The following CLIC5 variants were observed in gnomAD, a reference collection of about 807,000 sequenced individuals.
CLIC5 encodes the protein CLIC family member 5.
A neutral mutation model predicts 24.7 loss-of-function variants in CLIC5; 20 were observed. The observed-to-expected ratio is 0.81, with a 90% CI of 0.57 to 1.18. CLIC5 has a LOEUF of 1.18. Among genes scored for constraint, CLIC5 ranks in the 50% most tolerant of loss-of-function variants. The pLI, the probability that CLIC5 is intolerant of heterozygous loss-of-function variation, is 0.00. For missense variants in CLIC5, 341 were observed against 326.1 expected (o/e 1.05, Z -0.35); for synonymous variants, 159 against 135.6 (o/e 1.17, Z -1.20).
At chr6:45,918,944 A>G (rs536811672) in intron 4 of CLIC5, 4 of 985,416 alleles carry the variant, frequency 4.1e-6, no homozygotes, top group African/African-American at 1.7e-5. Context: ...CCCAGGGCAC[A>G]TACGCTTATG....
chr6:46,110,798 G>A, the CLIC5 span, among the ~76,000 whole-genome samples: 1 of 152,174 alleles, frequency 6.6e-6, no homozygotes, highest in Non-Finnish European at 1.5e-5. Context: ...CCTTTTAAAA[G>A]TCTAGTCTTA....
chr6:45,910,002 A>C (rs1026002538), intron 5 of CLIC5, among the ~76,000 whole-genome samples: 1 of 151,442 alleles, frequency 6.6e-6, no homozygotes, highest in African/African-American at 2.4e-5. Context: ...TGGATGAAAA[A>C]CTCACTGTTG....
At chr6:46,066,337 C>T (rs1302714958) in intron 1 of CLIC5, among the ~76,000 whole-genome samples, 1 of 152,120 alleles carries the variant, frequency 6.6e-6, no homozygotes, top group African/African-American at 2.4e-5. Context: ...TACAAAATCA[C>T]AGGATGCCTG....
At chr6:46,098,668 T>G in the CLIC5 span, among the ~76,000 whole-genome samples, 12 of 152,182 alleles carry the variant, frequency 7.9e-5, no homozygotes, top group African/African-American at 2.9e-4. Flanking sequence ...TCATGGAAGA[T>G]CTTCACCAGC....
At chr6:46,119,106 G>A in the CLIC5 span, among the ~76,000 whole-genome samples, 1 of 152,186 alleles carries the variant, frequency 6.6e-6, no homozygotes, top group African/African-American at 2.4e-5. Flanking sequence ...AATCCAGAAG[G>A]AATGTAGCCC....
chr6:46,048,797 G>T (rs919158942), intron 1 of CLIC5, among the ~76,000 whole-genome samples: 4 of 152,126 alleles, frequency 2.6e-5, no homozygotes, highest in African/African-American at 9.7e-5. Context: ...GGGAAGAATG[G>T]GGGCCAAGAG....
chr6:46,046,432 GACTA>G, intron 1 of CLIC5, among the ~76,000 whole-genome samples: 1 of 152,258 alleles, frequency 6.6e-6, no homozygotes, highest in East Asian at 1.9e-4. Flanking sequence ...AGTGACTGTT[GACTA>G]ACAGTGCAAA....
In CLIC5 at chr6:46,059,369, C is replaced by T. The variant is rs567989027; in HGVS notation, c.540+20334G>A. On this transcript the variant is annotated intron_variant, in intron 1 of 5. Transcript: ENST00000185206. ...CAACAGATATGTATTCATGCTATTC[C>T]TATTATTTGCTTTAATTTTGTATTT... 9.3e-4 allele frequency among the ~76,000 whole-genome samples: 141 copies of T among 152,310 alleles called. 3 individuals carry two copies. The South Asian group carries it at 0.026, about 28-fold the overall frequency.
intron 1 of CLIC5, among the ~76,000 whole-genome samples, chr6:46,067,117 C>T (rs773561189): frequency 6.6e-6 from 1 of 151,994 alleles, no homozygotes; most frequent in Non-Finnish European, 1.5e-5. Flanking sequence ...AATTTCGTTC[C>T]AAGGGATGGT....
chr6:45,966,609 C>A (rs956709790), intron 1 of CLIC5, among the ~76,000 whole-genome samples: 2 of 152,186 alleles, frequency 1.3e-5, no homozygotes, highest in Non-Finnish European at 2.9e-5. Flanking sequence ...CGGGCTGGAC[C>A]AACCACCGAC....
intron 1 of CLIC5, among the ~76,000 whole-genome samples, chr6:46,067,058 G>A (rs1720232870): frequency 6.6e-6 from 1 of 152,148 alleles, no homozygotes; most frequent in Admixed American, 6.5e-5. Context: ...ACTTGATCAT[G>A]TTGGCAATAG....
At chr6:45,934,481 A>G (rs542201052) in intron 4 of CLIC5, 78 of 152,312 alleles carry the variant, frequency 5.1e-4, no homozygotes, top group Non-Finnish European at 9.8e-4. Flanking sequence ...AACCATCCAG[A>G]TTGGGCAAAA....
intron 1 of CLIC5, among the ~76,000 whole-genome samples, chr6:46,011,510 A>G (rs921160086): frequency 2.0e-5 from 3 of 152,222 alleles, no homozygotes; most frequent in Non-Finnish European, 4.4e-5. Context: ...AACTGCCATC[A>G]GAAGTTTTAA....
At chr6:45,953,549 G>T (rs1237704080) in intron 2 of CLIC5, among the ~76,000 whole-genome samples, 1 of 152,140 alleles carries the variant, frequency 6.6e-6, no homozygotes, top group Non-Finnish European at 1.5e-5. Flanking sequence ...CAGAAGGCAG[G>T]CCAGCCTGAC....
At chr6:45,958,475 T>TATATAA (rs1764740032) in intron 1 of CLIC5, among the ~76,000 whole-genome samples, 1 of 81,370 alleles carries the variant, frequency 1.2e-5, no homozygotes, top group Non-Finnish European at 2.7e-5. Flanking sequence ...TATATATATA[T>TATATAA]AAACAGCTAA....
At position 45,985,930 on chromosome 6, in the gene CLIC5, G is replaced by A. The variant is rs540896696; in HGVS notation, c.63+29550C>T. 5.9e-5 allele frequency among the ~76,000 whole-genome samples: 9 copies of A among 152,234 alleles called. No homozygotes were observed. The East Asian group carries it at 1.7e-3, about 29-fold the overall frequency. On this transcript the variant is annotated intron_variant, in intron 1 of 5. Transcript: ENST00000339561. The stretch of plus-strand genomic sequence containing the variant: ...CACCTGTCATGGCAGGGACCCAGTG[G>A]GAGGTAATTGAATCATGGGGGTAGG...
chr6:45,983,185 C>G (rs1304547242), intron 1 of CLIC5, among the ~76,000 whole-genome samples: 1 of 152,188 alleles, frequency 6.6e-6, no homozygotes, highest in African/African-American at 2.4e-5. Context: ...TTTTCACTGC[C>G]TGACCTCACC....
At chr6:45,981,847 A>T (rs1185388719) in intron 1 of CLIC5, among the ~76,000 whole-genome samples, 1 of 152,038 alleles carries the variant, frequency 6.6e-6, no homozygotes, top group Non-Finnish European at 1.5e-5. Flanking sequence ...AAATACAAAA[A>T]ATTATCCGGG....
intron 3 of CLIC5, among the ~76,000 whole-genome samples, chr6:45,946,322 T>C (rs544394733): frequency 5.8e-4 from 88 of 152,358 alleles, no homozygotes; most frequent in African/African-American, 1.8e-3. Context: ...AGGAGAGGGA[T>C]GGATGTTAGT....
Sources: allele counts gnomAD v4.1 joint callset (sites outside exome capture counted in the v4.1 genomes callset), GRCh38; gene constraint gnomAD v4.1.1; transcripts MANE v1.5; gene names NCBI Gene and HGNC (gene_info 2026-07-23, HGNC 2026-07-21).